The following AFAP1 variants were observed in gnomAD, a reference collection of about 807,000 sequenced individuals.
AFAP1 encodes actin filament associated protein 1.
AFAP1 carries 75 observed loss-of-function variants against 93.9 expected under a neutral mutation model. The ratio of observed to expected loss-of-function variants is 0.80; its 90% CI spans 0.66 to 0.97. AFAP1 has a LOEUF of 0.97. AFAP1 is among the 50% of genes least tolerant of loss of function. The probability of loss-of-function intolerance (pLI) is 0.00; values close to 1 mark genes in which losing one functional copy is unlikely to be tolerated. For missense variants in AFAP1, 1,201 were observed against 1,050.8 expected, an observed-to-expected ratio of 1.14 and a Z score of -1.98; for synonymous variants, 517 against 430.7, an observed-to-expected ratio of 1.20 and a Z score of -2.48.
At chr4:7,764,463 T>G (rs1327079799) in intron 17 of AFAP1, among the ~76,000 whole-genome samples, 1 of 152,188 alleles carries the variant, frequency 6.6e-6, no homozygotes, top group Admixed American at 6.5e-5. Flanking sequence ...GAGAAAGTTC[T>G]GGAGAAGGAT....
At chr4:7,937,963 G>A (rs1033490941) in intron 1 of AFAP1, among the ~76,000 whole-genome samples, 3 of 152,178 alleles carry the variant, frequency 2.0e-5, no homozygotes, top group African/African-American at 7.2e-5. Context: ...TGCACAAACT[G>A]CGCCTGCCCA....
intron 1 of AFAP1, among the ~76,000 whole-genome samples, chr4:7,890,329 G>A (rs557844865): frequency 1.3e-5 from 2 of 152,150 alleles, no homozygotes; most frequent in Non-Finnish European, 2.9e-5. Flanking sequence ...ATGTCAGTAT[G>A]GGGAAAACTA....
At chr4:7,861,762 C>T (rs1289568343) in intron 3 of AFAP1, among the ~76,000 whole-genome samples, 1 of 152,240 alleles carries the variant, frequency 6.6e-6, no homozygotes, top group Non-Finnish European at 1.5e-5. Flanking sequence ...TGAGCCAAAA[C>T]TCTGAGATTC....
At chr4:7,935,594 G>C (rs1011890221) in intron 1 of AFAP1, among the ~76,000 whole-genome samples, 11 of 152,130 alleles carry the variant, frequency 7.2e-5, no homozygotes, top group African/African-American at 2.7e-4. Flanking sequence ...TCCAGTTCCA[G>C]GCAGATAATA....
chr4:7,788,032 G>GC (rs1717480420), intron 11 of AFAP1, among the ~76,000 whole-genome samples: 1 of 152,214 alleles, frequency 6.6e-6, no homozygotes, highest in African/African-American at 2.4e-5. Flanking sequence ...CAACCGCCCT[G>GC]CATCTGCGTC....
At chr4:7,906,851 T>A (rs1481613932) in intron 1 of AFAP1, among the ~76,000 whole-genome samples, 2 of 152,064 alleles carry the variant, frequency 1.3e-5, no homozygotes, top group African/African-American at 2.4e-5. Context: ...CGAAGCCCCA[T>A]CTCTACTAAG....
At chr4:7,923,784 G>A (rs1046751989) in intron 1 of AFAP1, among the ~76,000 whole-genome samples, 1 of 152,070 alleles carries the variant, frequency 6.6e-6, no homozygotes, top group South Asian at 2.1e-4. Flanking sequence ...TTCTTCTAAG[G>A]CCACTGATCC....
chr4:7,816,201 AGGCC>A, intron 7 of AFAP1, 102 bp from the exon 8 acceptor site: 1 of 987,412 alleles, frequency 1.0e-6, no homozygotes, highest in South Asian at 1.5e-5. Flanking sequence ...AAGAAAACAC[AGGCC>A]AAATTCATAG....
At chr4:7,897,511 T>C (rs969081469) in intron 1 of AFAP1, among the ~76,000 whole-genome samples, 1 of 146,092 alleles carries the variant, frequency 6.8e-6, no homozygotes. Context: ...CAGCGCTTGT[T>C]TTTTTTGTTT....
intron 10 of AFAP1, among the ~76,000 whole-genome samples, chr4:7,797,075 T>TAAC (rs1718498867): frequency 6.6e-6 from 1 of 151,170 alleles, no homozygotes; most frequent in South Asian, 2.1e-4. Context: ...TAATAATTAA[T>TAAC]AATAATAATC....
At chr4:7,913,141 C>T (rs528642523) in intron 1 of AFAP1, among the ~76,000 whole-genome samples, 3 of 152,186 alleles carry the variant, frequency 2.0e-5, no homozygotes, top group Non-Finnish European at 4.4e-5. Context: ...GTAATCACAG[C>T]ACTGTGGGAA....
intron 1 of AFAP1, among the ~76,000 whole-genome samples, chr4:7,904,817 G>T (rs567622004): frequency 6.6e-6 from 1 of 151,986 alleles, no homozygotes; most frequent in Non-Finnish European, 1.5e-5. Context: ...AGAGATTCTC[G>T]CACCTCAGCC....
At chr4:7,777,116 G>A (rs1419139001) in intron 14 of AFAP1, 1 of 152,146 alleles carries the variant, frequency 6.6e-6, no homozygotes, top group Non-Finnish European at 1.5e-5. Context: ...GAGACTCCGT[G>A]GGACTCCGAT....
chr4:7,861,836 C>T (rs916086372), intron 3 of AFAP1: 1 of 152,266 alleles, frequency 6.6e-6, no homozygotes, highest in Non-Finnish European at 1.5e-5. Context: ...CATCTTACGC[C>T]ACAGGAAAAT....
chr4:7,862,426 G>A (rs1384135937), intron 3 of AFAP1: 1 of 150,890 alleles, frequency 6.6e-6, no homozygotes, highest in African/African-American at 2.4e-5. Context: ...GCCGGCGGCG[G>A]GAGAATGGGA....
At chr4:7,807,357 C>T (rs188602169) in intron 9 of AFAP1, among the ~76,000 whole-genome samples, 13 of 152,206 alleles carry the variant, frequency 8.5e-5, no homozygotes, top group African/African-American at 2.4e-4. Flanking sequence ...ACCTTCCATG[C>T]GCTCCAAGAA....
Position 7,819,136 on chromosome 4 carries a change from G to A in AFAP1, c.762C>T (p.Pro254=), listed in dbSNP as rs115125282. 5.6e-6 allele frequency: 9 copies of A among 1,613,646 alleles called. No individual in the cohort carries two copies. Among genetic ancestry groups the A allele is most frequent in the Middle Eastern group, 1.7e-4 (1 of 6,054 alleles). The change falls in exon 7 of 18, where the codon CCC becomes CCT. Residue 254 remains proline, a synonymous_variant. Coordinates refer to ENST00000420658, the MANE Select transcript of AFAP1 (RefSeq NM_001134647.2). ...GTGGAGGAGGACACTCTGAATCCACGGGGCCACTACAACCACTGTAGGCTT... is the reference window on the plus strand; with the variant it reads ...GTGGAGGAGGACACTCTGAATCCACAGGGCCACTACAACCACTGTAGGCTT... The part of the protein sequence containing the change: ...IKEAYSGCSG[P]VDSECPPPPS...
In AFAP1 at chr4:7,770,869, A is replaced by G. The variant is rs560605710; in HGVS notation, c.2254-1861T>C. Among the ~76,000 whole-genome samples the G allele has an allele frequency of 2.0e-3, 300 of 152,294 alleles. 2 individuals carry two copies. The highest frequency in any genetic ancestry group is 3.6e-3 in the Non-Finnish European group (242 of 68,016). On this transcript the variant is annotated intron_variant, in intron 16 of 17. Coordinates refer to ENST00000420658, the MANE Select transcript of AFAP1 (RefSeq NM_001134647.2). ...TGTGTGCACTCCTGCCTCAGATCAC[A>G]GAGGGAGGGGCACAGGGCTCCATGA...
At chr4:7,780,893 T>A (rs181344377) in intron 13 of AFAP1, among the ~76,000 whole-genome samples, 1 of 152,276 alleles carries the variant, frequency 6.6e-6, no homozygotes, top group Non-Finnish European at 1.5e-5. Flanking sequence ...ATCATCTAGT[T>A]TTTGGGAGTA....
Sources: allele counts gnomAD v4.1 joint callset (sites outside exome capture counted in the v4.1 genomes callset), GRCh38; gene constraint gnomAD v4.1.1; transcripts MANE v1.5; gene names NCBI Gene and HGNC (gene_info 2026-07-23, HGNC 2026-07-21).